The following VWA3B variants were observed in gnomAD, a reference collection of about 807,000 sequenced individuals.
VWA3B encodes the protein von Willebrand factor A domain-containing protein 3B.
Under a neutral mutation model 158.3 loss-of-function variants are expected in VWA3B, and 138 were observed. The observed-to-expected ratio is 0.87, with a 90% CI of 0.76 to 1.00. The LOEUF is 1.00. Ranked by LOEUF, VWA3B falls within the 50% of genes least tolerant of loss-of-function variation. The pLI is 0.00. For missense variants in VWA3B, 1,555 were observed against 1,565.1 expected, an observed-to-expected ratio of 0.99 and a Z score of 0.11; for synonymous variants, 596 against 587.3, an observed-to-expected ratio of 1.01 and a Z score of -0.21.
intron 7 of VWA3B, among the ~76,000 whole-genome samples, chr2:98,147,850 C>G (rs1199960623): frequency 1.4e-5 from 2 of 139,980 alleles, no homozygotes; most frequent in Non-Finnish European, 3.1e-5. Flanking sequence ...TCACTCCCCC[C>G]TCCCCCCACC....
intron 19 of VWA3B, among the ~76,000 whole-genome samples, chr2:98,246,534 T>G (rs1179571060): frequency 2.0e-5 from 3 of 151,912 alleles, no homozygotes; most frequent in Non-Finnish European, 2.9e-5. Context: ...CATGCCACCA[T>G]GCCTGGCTCA....
intron 19 of VWA3B, among the ~76,000 whole-genome samples, chr2:98,238,559 G>A (rs1401461468): frequency 6.6e-6 from 1 of 152,142 alleles, no homozygotes; most frequent in East Asian, 1.9e-4. Flanking sequence ...ACTTGAGGTA[G>A]AGTGAAAAGT....
chr2:98,256,594 C>T (rs574115700), intron 21 of VWA3B, among the ~76,000 whole-genome samples: 4 of 152,256 alleles, frequency 2.6e-5, no homozygotes, highest in South Asian at 4.1e-4. Flanking sequence ...CTTCCACTGA[C>T]GGGCATTTGG....
chr2:98,230,083 C>A lies in VWA3B; in HGVS notation c.2184C>A (p.Thr728=). ...AGGAAATCTGTTCTATGATTTCAACCCCAGAAAAGTGTGCAAAGCCTCAAT... is the reference window on the plus strand; with the variant it reads ...AGGAAATCTGTTCTATGATTTCAACACCAGAAAAGTGTGCAAAGCCTCAAT... The part of the protein sequence containing the change: ...HQKEICSMIS[T]PEKCAKPQSD... Residue 728 remains threonine (T), a synonymous_variant, in exon 16 of 28, where the codon ACC becomes ACA. Coordinates refer to ENST00000477737, the MANE Select transcript of VWA3B (RefSeq NM_144992.5). 1 of 1,597,306 alleles carries A rather than the reference C, an allele frequency of 6.3e-7. No individual in the cohort carries two copies. The highest frequency in any genetic ancestry group is 2.2e-5 in the East Asian group (1 of 44,584).
intron 8 of VWA3B, among the ~76,000 whole-genome samples, chr2:98,176,523 C>G (rs888799366): frequency 6.0e-4 from 91 of 151,362 alleles, no homozygotes; most frequent in Admixed American, 5.9e-4. Context: ...TTCCTCCCTC[C>G]TTCCTTCTTT....
At chr2:98,329,917 G>A in the VWA3B span, among the ~76,000 whole-genome samples, 1 of 152,164 alleles carries the variant, frequency 6.6e-6, no homozygotes, top group African/African-American at 2.4e-5. Context: ...ATTTCACTTT[G>A]GCTGGGCTGC....
chr2:98,210,970 C>G (rs929327269), intron 12 of VWA3B, among the ~76,000 whole-genome samples: 1 of 152,206 alleles, frequency 6.6e-6, no homozygotes, highest in Non-Finnish European at 1.5e-5. Context: ...TGGCAGTGAG[C>G]TCTGGTCCAT....
intron 23 of VWA3B, among the ~76,000 whole-genome samples, chr2:98,292,606 A>G (rs1689563622): frequency 6.6e-6 from 1 of 152,086 alleles, no homozygotes; most frequent in Admixed American, 6.5e-5. Context: ...TGCTTGAGAA[A>G]TTTTGATTTT....
intron 16 of VWA3B, 152 bp downstream of exon 16, chr2:98,230,359 T>G (rs1558703031): frequency 1.0e-5 from 8 of 762,672 alleles, no homozygotes; most frequent in Non-Finnish European, 1.3e-5. Context: ...TACATTCACA[T>G]GATCTTATAT....
chr2:98,159,316 A>G (rs1418805473), intron 7 of VWA3B, among the ~76,000 whole-genome samples: 2 of 151,936 alleles, frequency 1.3e-5, no homozygotes, highest in Non-Finnish European at 2.9e-5. Context: ...CTGGAGTGCA[A>G]TGGCTCTCTG....
At chr2:98,105,734 A>C (rs977962372) in intron 2 of VWA3B, among the ~76,000 whole-genome samples, 10 of 151,446 alleles carry the variant, frequency 6.6e-5, no homozygotes, top group East Asian at 1.9e-4. Flanking sequence ...TCTCTTAAAA[A>C]ACACACACAC....
chr2:98,324,516 G>T, the VWA3B span, among the ~76,000 whole-genome samples: 2 of 152,258 alleles, frequency 1.3e-5, no homozygotes, highest in South Asian at 2.1e-4. Context: ...TCAATTAAGG[G>T]TAAGAGAGCT....
At chr2:98,143,733 C>CTTTCT (rs1203449645) in intron 7 of VWA3B, among the ~76,000 whole-genome samples, 15 of 147,750 alleles carry the variant, frequency 1.0e-4, no homozygotes, top group South Asian at 4.3e-4. Context: ...GGAGCTTTAG[C>CTTTCT]TTTCTTTTCT....
chr2:98,203,106 CA>C (rs1682715690), intron 12 of VWA3B, among the ~76,000 whole-genome samples: 2 of 152,242 alleles, frequency 1.3e-5, no homozygotes, highest in African/African-American at 4.8e-5. Flanking sequence ...GCTGGGATTA[CA>C]GGCGTGAGCC....
At chr2:98,283,393 T>C (rs1392252451) in intron 22 of VWA3B, among the ~76,000 whole-genome samples, 2 of 152,242 alleles carry the variant, frequency 1.3e-5, no homozygotes, top group East Asian at 3.8e-4. Flanking sequence ...ACATGAACAC[T>C]GGTGACCTGA....
intron 22 of VWA3B, 116 bp downstream of exon 22, chr2:98,270,999 G>A: frequency 9.6e-7 from 1 of 1,040,106 alleles, no homozygotes; most frequent in Non-Finnish European, 1.4e-6. Context: ...ATTTCTAAAA[G>A]TGTTAGAGCC....
chr2:98,313,734 C>T (rs1374882240), downstream of VWA3B, among the ~76,000 whole-genome samples: 4 of 152,182 alleles, frequency 2.6e-5, no homozygotes, highest in African/African-American at 4.8e-5. Flanking sequence ...TCGCTCTCTT[C>T]GTCTCCACTT....
At chr2:98,316,672 T>C (rs1433699608), downstream of VWA3B, among the ~76,000 whole-genome samples, 4 of 148,784 alleles carry the variant, frequency 2.7e-5, no homozygotes, top group Non-Finnish European at 4.5e-5. Flanking sequence ...AAAAGTGTAA[T>C]CCCCAATGTT....
chr2:98,186,316 C>T (rs1681045463), intron 9 of VWA3B, among the ~76,000 whole-genome samples: 1 of 152,044 alleles, frequency 6.6e-6, no homozygotes, highest in Non-Finnish European at 1.5e-5. Flanking sequence ...TCTGTCTACA[C>T]TCATTTCCTG....
Sources: gnomAD v4.1 joint callset for allele counts (sites outside exome capture counted in the v4.1 genomes callset) on GRCh38, gnomAD v4.1.1 for gene constraint, MANE v1.5 for transcripts, NCBI Gene and HGNC (gene_info 2026-07-23, HGNC 2026-07-21) for gene names.